Variants in BMPR1B observed in about 807,000 individuals in gnomAD.
The protein encoded by BMPR1B is bone morphogenetic protein receptor type-1B.
Under a neutral mutation model 59.1 loss-of-function variants are expected in BMPR1B, and 12 were observed. The ratio of observed to expected loss-of-function variants is 0.20; its 90% CI spans 0.13 to 0.33. The LOEUF is 0.33. Among genes scored for constraint, BMPR1B ranks in the 10% least tolerant of loss-of-function variants. The pLI is 1.00. For missense variants in BMPR1B, 550 were observed against 610.9 expected (o/e 0.90, Z 1.05); for synonymous variants, 237 against 207.3 (o/e 1.14, Z -1.23).
At chr4:95,129,009 C>T (rs948261574) in intron 8 of BMPR1B, among the ~76,000 whole-genome samples, 1 of 150,780 alleles carries the variant, frequency 6.6e-6, no homozygotes, top group Non-Finnish European at 1.5e-5. Context: ...TGGATATTTC[C>T]TTTATTTCCC....
intron 3 of BMPR1B, among the ~76,000 whole-genome samples, chr4:95,100,545 A>G (rs1202580584): frequency 6.6e-6 from 1 of 151,512 alleles, no homozygotes; most frequent in African/African-American, 2.4e-5. Flanking sequence ...GTGTGGATCT[A>G]TTCACATGGG....
intron 2 of BMPR1B, among the ~76,000 whole-genome samples, chr4:94,984,210 A>T (rs1721262246): frequency 6.6e-6 from 1 of 152,114 alleles, no homozygotes. Context: ...GGTTTTCATC[A>T]CTCACTTGGG....
chr4:95,012,566 G>A (rs1373647), intron 3 of BMPR1B, among the ~76,000 whole-genome samples: 38,500 of 151,930 alleles, frequency 0.25, 6,426 homozygotes, highest in African/African-American at 0.48. Flanking sequence ...GTACTTTGAT[G>A]TAAATGTACC....
At chr4:95,105,809 C>T (rs1441513316) in intron 4 of BMPR1B, among the ~76,000 whole-genome samples, 1 of 151,900 alleles carries the variant, frequency 6.6e-6, no homozygotes, top group Non-Finnish European at 1.5e-5. Flanking sequence ...GAAACACTGC[C>T]TCTTTATAGT....
chr4:95,013,205 A>G (rs1366367835), intron 3 of BMPR1B, among the ~76,000 whole-genome samples: 2 of 151,348 alleles, frequency 1.3e-5, no homozygotes, highest in South Asian at 2.1e-4. Context: ...AACAATGACT[A>G]TATATCTGTC....
chr4:95,108,453 A>C (rs558532870), intron 4 of BMPR1B, among the ~76,000 whole-genome samples: 21 of 152,198 alleles, frequency 1.4e-4, no homozygotes, highest in African/African-American at 4.8e-4. Context: ...ACCTCCCTGG[A>C]GAGAATAATC....
At chr4:94,948,166 A>C (rs1228357792) in intron 2 of BMPR1B, among the ~76,000 whole-genome samples, 1 of 152,154 alleles carries the variant, frequency 6.6e-6, no homozygotes, top group Non-Finnish European at 1.5e-5. Context: ...AGCTTAATTC[A>C]CCATCGTGAC....
At chr4:95,057,312 T>C (rs1275361292) in intron 3 of BMPR1B, among the ~76,000 whole-genome samples, 1 of 152,146 alleles carries the variant, frequency 6.6e-6, no homozygotes, top group Non-Finnish European at 1.5e-5. Context: ...TGGTGTGATC[T>C]TGGCTCACTG....
intron 2 of BMPR1B, among the ~76,000 whole-genome samples, chr4:94,979,060 T>C (rs950185792): frequency 1.3e-5 from 2 of 152,098 alleles, no homozygotes; most frequent in Non-Finnish European, 2.9e-5. Context: ...AGAAAATCTG[T>C]CTACTTCTTT....
At chr4:95,151,084 G>A (rs185015228) in intron 11 of BMPR1B, among the ~76,000 whole-genome samples, 101 of 152,226 alleles carry the variant, frequency 6.6e-4, no homozygotes, top group African/African-American at 2.2e-3. Flanking sequence ...GCCCTTCTGG[G>A]TGAAAGAGAC....
chr4:95,073,053 AATCT>A (rs1231765117), intron 3 of BMPR1B, among the ~76,000 whole-genome samples: 2 of 152,196 alleles, frequency 1.3e-5, no homozygotes, highest in Admixed American at 6.6e-5. Context: ...GCTTTCTAAA[AATCT>A]ATCTGTTATG....
At chr4:95,102,660 C>A (rs1035351004) in intron 3 of BMPR1B, among the ~76,000 whole-genome samples, 1 of 152,052 alleles carries the variant, frequency 6.6e-6, no homozygotes, top group Non-Finnish European at 1.5e-5. Flanking sequence ...GCATAGCAAG[C>A]GGTGCTGCAC....
intron 3 of BMPR1B, among the ~76,000 whole-genome samples, chr4:95,010,584 C>T (rs1335809571): frequency 6.6e-6 from 1 of 152,166 alleles, no homozygotes; most frequent in Non-Finnish European, 1.5e-5. Context: ...AGTCTCTGCT[C>T]CTTGGAAATT....
intron 2 of BMPR1B, among the ~76,000 whole-genome samples, chr4:94,909,998 C>G (rs1728212059): frequency 6.6e-6 from 1 of 151,906 alleles, no homozygotes; most frequent in Admixed American, 6.6e-5. Context: ...GTATTAGAAG[C>G]TTTCTTGTAA....
At chr4:95,125,522 TTA>T in intron 8 of BMPR1B, among the ~76,000 whole-genome samples, 1 of 152,260 alleles carries the variant, frequency 6.6e-6, no homozygotes, top group South Asian at 2.1e-4. Context: ...GCTGTGGGGT[TTA>T]TGTTTCAGGG....
At chr4:95,035,643 C>G (rs6854585) in intron 3 of BMPR1B, among the ~76,000 whole-genome samples, 40,651 of 152,022 alleles carry the variant, frequency 0.27, 6,358 homozygotes, top group South Asian at 0.42. Context: ...GTCTATGTGC[C>G]TGTTTTTATA....
At chr4:94,875,335 G>T (rs964699032) in intron 1 of BMPR1B, among the ~76,000 whole-genome samples, 2 of 152,124 alleles carry the variant, frequency 1.3e-5, no homozygotes, top group Non-Finnish European at 2.9e-5. Context: ...GTTTGAACTG[G>T]TTCACAATAA....
chr4:94,892,266 A>G lies in BMPR1B; in HGVS notation c.-113+16366A>G, dbSNP rs184863606. ...GGTGGTTGGTCTGGGAACCAACAGC[A>G]GTGCCACCAGCTGTGAGCTTACTGG... On this transcript the variant is annotated intron_variant, in intron 2 of 12. Transcript: ENST00000515059. 4.7e-4 allele frequency among the ~76,000 whole-genome samples: 72 copies of G among 152,206 alleles called. No individual in the cohort carries two copies. In the East Asian group the frequency reaches 0.013, roughly 28 times the overall value.
chr4:94,844,583 G>A (rs1284108049), intron 1 of BMPR1B, among the ~76,000 whole-genome samples: 1 of 152,146 alleles, frequency 6.6e-6, no homozygotes, highest in Non-Finnish European at 1.5e-5. Context: ...TGGGTACTAT[G>A]TAGAGGAGCC....
Sources: allele counts gnomAD v4.1 joint callset (sites outside exome capture counted in the v4.1 genomes callset), GRCh38; gene constraint gnomAD v4.1.1; transcripts MANE v1.5; gene names NCBI Gene and HGNC (gene_info 2026-07-23, HGNC 2026-07-21).